The following HTR4 variants were observed in gnomAD, a reference collection of about 807,000 sequenced individuals.
HTR4 encodes the protein 5-hydroxytryptamine (serotonin) receptor 4, G protein-coupled.
HTR4 carries 16 observed loss-of-function variants against 36.8 expected under a neutral mutation model. That is an observed-to-expected ratio of 0.43 (90% CI 0.29 to 0.66). The LOEUF is 0.66. Ranked by LOEUF, HTR4 falls within the 30% of genes least tolerant of loss-of-function variation. HTR4 has a pLI of 0.13. For synonymous variants in HTR4, 189 were observed against 185.1 expected (o/e 1.02, Z -0.17); for missense variants, 438 against 490.9 (o/e 0.89, Z 1.02).
At chr5:148,559,640 T>C (rs914766422) in intron 2 of HTR4, among the ~76,000 whole-genome samples, 22 of 152,148 alleles carry the variant, frequency 1.4e-4, no homozygotes, top group Admixed American at 1.1e-3. Context: ...AAAACTCCGA[T>C]GGACAATCTC....
chr5:148,485,743 G>A (rs546473593), intron 6 of HTR4, among the ~76,000 whole-genome samples: 1 of 152,192 alleles, frequency 6.6e-6, no homozygotes, highest in Non-Finnish European at 1.5e-5. Context: ...AAGACAAAGA[G>A]AGGGGCCACA....
intron 5 of HTR4, among the ~76,000 whole-genome samples, chr5:148,510,260 T>G (rs1247594419): frequency 6.6e-6 from 1 of 152,160 alleles, no homozygotes; most frequent in Non-Finnish European, 1.5e-5. Context: ...GGTTTTCTTA[T>G]AAGCCTACAA....
chr5:148,654,019 G>A, intron 1 of HTR4, 43 bp downstream of exon 1: 1 of 980,260 alleles, frequency 1.0e-6, no homozygotes, highest in Non-Finnish European at 1.2e-6. Flanking sequence ...CGGCACCCGT[G>A]GGCTCCTGGG....
chr5:148,643,888 G>A lies in HTR4; in HGVS notation c.-47-6827C>T, dbSNP rs1038116551. Among the ~76,000 whole-genome samples, 35 of 152,276 alleles carry A rather than the reference G, an allele frequency of 2.3e-4. No individual in the cohort carries two copies. The East Asian group carries it at 2.7e-3, about 12-fold the overall frequency. ...GGCCAGAAAGCCATCAGATAGTCAC[G>A]TTTGAGGGAAAGAAACAAATCTTGG... On this transcript the variant is annotated intron_variant, in intron 1 of 6. Transcript: ENST00000377888.
At chr5:148,545,427 G>C (rs562509058) in intron 4 of HTR4, among the ~76,000 whole-genome samples, 1 of 152,324 alleles carries the variant, frequency 6.6e-6, no homozygotes, top group South Asian at 2.1e-4. Flanking sequence ...GTTCTATGAG[G>C]GCAGGGATCT....
chr5:148,611,419 G>C (rs1752421738), intron 2 of HTR4, among the ~76,000 whole-genome samples: 1 of 144,938 alleles, frequency 6.9e-6, no homozygotes, highest in Non-Finnish European at 1.5e-5. Flanking sequence ...TTCATATCCA[G>C]CCAAACTAAG....
chr5:148,495,116 A>G (rs1756627122), intron 6 of HTR4, among the ~76,000 whole-genome samples: 1 of 152,242 alleles, frequency 6.6e-6, no homozygotes, highest in South Asian at 2.1e-4. Context: ...AAGCCTGGTG[A>G]GAGAGCAGGG....
chr5:148,651,288 T>G (rs141018947), intron 1 of HTR4, among the ~76,000 whole-genome samples: 1 of 152,172 alleles, frequency 6.6e-6, no homozygotes, highest in Non-Finnish European at 1.5e-5. Context: ...AACAAGGCAG[T>G]GAAAAGCAAG....
chr5:148,508,059 T>C (rs528283552), intron 6 of HTR4, among the ~76,000 whole-genome samples: 73 of 152,186 alleles, frequency 4.8e-4, no homozygotes, highest in Non-Finnish European at 8.8e-4. Flanking sequence ...CCTACACTTG[T>C]AGCAAAAAAT....
intron 4 of HTR4, among the ~76,000 whole-genome samples, chr5:148,542,993 A>G (rs1489750811): frequency 6.6e-6 from 1 of 152,202 alleles, no homozygotes; most frequent in Non-Finnish European, 1.5e-5. Flanking sequence ...AGTAACCAGG[A>G]TGTGTCATCT....
chr5:148,628,914 A>G (rs1261972279), intron 2 of HTR4: 1 of 152,146 alleles, frequency 6.6e-6, no homozygotes, highest in African/African-American at 2.4e-5. Flanking sequence ...TGACCCTTCC[A>G]TCTAGACCAT....
Position 148,548,705 on chromosome 5 carries a change from C to T in HTR4, c.316G>A (p.Ala106Thr). Residue 106 changes from alanine to threonine, a missense_variant, in exon 4 of 7, where the codon GCA becomes ACA. Physicochemically the swap from Ala to Thr is moderately conservative, Grantham distance 58. Coordinates refer to ENST00000377888, the MANE Select transcript of HTR4 (RefSeq NM_000870.7). Reference sequence around the variant, plus strand: ...ATGCAGCACAGGTGAAAAATCGATGCCGTTGTGAGCAGGACGTCCAGAGAT... The same window carrying T: ...ATGCAGCACAGGTGAAAAATCGATGTCGTTGTGAGCAGGACGTCCAGAGAT... The part of the protein sequence containing the change: ...RTSLDVLLTT[A>T]SIFHLCCISL... 4 of 1,610,130 alleles carry T rather than the reference C, an allele frequency of 2.5e-6. No homozygotes were observed. In the Admixed American group the frequency reaches 5.0e-5, roughly 20 times the overall value.
intron 1 of HTR4, among the ~76,000 whole-genome samples, chr5:148,652,791 C>T (rs1049215072): frequency 1.3e-5 from 2 of 152,004 alleles, no homozygotes; most frequent in East Asian, 1.9e-4. Context: ...ATGATGCAAA[C>T]GTAAGAGAGA....
downstream of HTR4, among the ~76,000 whole-genome samples, chr5:148,473,746 C>T (rs537568952): frequency 2.1e-4 from 32 of 152,256 alleles, no homozygotes; most frequent in Middle Eastern, 3.4e-3. Context: ...GCATCTGTTT[C>T]ATGAGAAAGC....
chr5:148,515,252 C>T (rs1757687219), intron 5 of HTR4, among the ~76,000 whole-genome samples: 1 of 152,074 alleles, frequency 6.6e-6, no homozygotes, highest in Non-Finnish European at 1.5e-5. Flanking sequence ...TTTGCCATTT[C>T]CTTGGCAATG....
intron 2 of HTR4, among the ~76,000 whole-genome samples, chr5:148,601,377 T>C (rs1761990536): frequency 6.6e-6 from 1 of 152,142 alleles, no homozygotes; most frequent in African/African-American, 2.4e-5. Flanking sequence ...CTCGAAGAAA[T>C]ACCTGCACTG....
In HTR4 at chr5:148,504,872, G is replaced by A. The variant is rs192573244; in HGVS notation, c.1076+4584C>T. Among the ~76,000 whole-genome samples, 12 of 152,264 alleles carry A rather than the reference G, an allele frequency of 7.9e-5. No individual in the cohort carries two copies. In the East Asian group the frequency reaches 9.6e-4, roughly 12 times the overall value. ...CAGAGAATACTATAAACACCTCTAC[G>A]CAAATAAACTAGAAAACCTACAAGA... On this transcript the variant is annotated intron_variant, in intron 6 of 6. Coordinates refer to ENST00000377888, the MANE Select transcript of HTR4 (RefSeq NM_000870.7).
At chr5:148,586,577 G>A (rs1300351306) in intron 2 of HTR4, among the ~76,000 whole-genome samples, 2 of 152,060 alleles carry the variant, frequency 1.3e-5, no homozygotes, top group Non-Finnish European at 2.9e-5. Flanking sequence ...AACAGCATAG[G>A]GGAAACCACT....
chr5:148,546,127 G>A (rs981694187), intron 4 of HTR4, among the ~76,000 whole-genome samples: 1 of 152,256 alleles, frequency 6.6e-6, no homozygotes, highest in Non-Finnish European at 1.5e-5. Flanking sequence ...TCTAGATGAT[G>A]CAAGCTGTTG....
Sources: allele counts gnomAD v4.1 joint callset (sites outside exome capture counted in the v4.1 genomes callset), GRCh38; gene constraint gnomAD v4.1.1; transcripts MANE v1.5; gene names NCBI Gene and HGNC (gene_info 2026-07-23, HGNC 2026-07-21).